The following NSD3 variants were observed in gnomAD, a reference collection of about 807,000 sequenced individuals.
NSD3 encodes histone-lysine N-methyltransferase NSD3.
NSD3 carries 24 observed loss-of-function variants against 160.8 expected under a neutral mutation model. The ratio of observed to expected loss-of-function variants is 0.15; its 90% CI spans 0.11 to 0.21. The LOEUF is 0.21. Among genes scored for constraint, NSD3 ranks in the 10% least tolerant of loss-of-function variants. The pLI, the probability that NSD3 is intolerant of heterozygous loss-of-function variation, is 1.00. For missense variants in NSD3, 1,157 were observed against 1,735.9 expected, an observed-to-expected ratio of 0.67 and a Z score of 5.93; for synonymous variants, 520 against 600.0, an observed-to-expected ratio of 0.87 and a Z score of 1.95.
At position 38,299,488 on chromosome 8, in the gene NSD3, G is replaced by A. The variant is rs1262290025; in HGVS notation, c.2714C>T (p.Pro905Leu). Residue 905 changes from proline to leucine, a missense_variant, in exon 15 of 24, where the codon CCT (proline) becomes CTT (leucine). Physicochemically the swap from Pro to Leu is moderately conservative, Grantham distance 98 (BLOSUM62 -3). Transcript: ENST00000317025. ...ESNRAELMKL[P>L]MIPSSSASKK... is the part of the protein sequence containing the mutation. ...GGAAGCTGACGAAGAAGGAATCATAGGTAATTTCATCAACTCAGCACGATT... is the reference window on the plus strand; with the variant it reads ...GGAAGCTGACGAAGAAGGAATCATAAGTAATTTCATCAACTCAGCACGATT... 6 of 1,613,488 alleles carry A rather than the reference G, an allele frequency of 3.7e-6. No individual in the cohort carries two copies. Among genetic ancestry groups the A allele is most frequent in the Non-Finnish European group, 5.1e-6 (6 of 1,179,804 alleles).
chr8:38,369,180 T>C (rs1738160500), intron 1 of NSD3, among the ~76,000 whole-genome samples: 3 of 152,120 alleles, frequency 2.0e-5, no homozygotes, highest in Admixed American at 2.0e-4. Context: ...AGGTTCAACA[T>C]GTAGTATTTT....
rs1809659855 is a variant in NSD3 at position 38,316,224 on chromosome 8, C to T, written c.1856-182G>A. On this transcript the variant is annotated intron_variant, in intron 9 of 23. Transcript: ENST00000317025. This position sits in a 1 kb window ranked among gnomAD's most constrained non-coding sequence, Gnocchi z 4.5. ...GAACTTCTGACCTTCCTGGTAGTGA[C>T]TGATTTAATTTACAACCGCTCTATC... 6.6e-6 allele frequency among the ~76,000 whole-genome samples: 1 copy of T among 152,204 alleles called. No individual in the cohort carries two copies. Among genetic ancestry groups the T allele is most frequent in the African/African-American group, 2.4e-5 (1 of 41,452 alleles).
At chr8:38,373,060 A>G (rs949603739) in intron 1 of NSD3, among the ~76,000 whole-genome samples, 1 of 151,736 alleles carries the variant, frequency 6.6e-6, no homozygotes, top group East Asian at 2.0e-4. Context: ...AAAAAAAAAA[A>G]AAAGAAAGAA....
At chr8:38,356,105 A>C (rs1810817449) in intron 1 of NSD3, among the ~76,000 whole-genome samples, 1 of 152,214 alleles carries the variant, frequency 6.6e-6, no homozygotes, top group African/African-American at 2.4e-5. Context: ...TAATTGTACT[A>C]ATCTATCCAT....
In NSD3 at chr8:38,321,007, A is replaced by T. The variant is rs190627183; in HGVS notation, c.1809+65T>A. The T allele has an allele frequency of 5.7e-4, 825 of 1,458,228 alleles. 6 individuals carry two copies. Among genetic ancestry groups the T allele is most frequent in the Non-Finnish European group, 1.7e-4 (182 of 1,045,464 alleles). The allele number at this position is 1,458,228 out of a possible 1,614,324, so 90.3% of individuals were successfully genotyped here. On this transcript the variant is annotated intron_variant, in intron 8 of 23. Coordinates refer to ENST00000317025, the MANE Select transcript of NSD3 (RefSeq NM_023034.2). This position sits in a 1 kb window ranked among gnomAD's most constrained non-coding sequence, Gnocchi z 4.7. ...GGGGAAAGTTTCTCTTTCTTTTAAG[A>T]CAGGAATGTAAGCCACAACATTTAC...
At chr8:38,370,064 G>A (rs907339194) in intron 1 of NSD3, among the ~76,000 whole-genome samples, 1 of 152,144 alleles carries the variant, frequency 6.6e-6, no homozygotes, top group Non-Finnish European at 1.5e-5. Context: ...AAAGTGCTGG[G>A]ATTACAGGTG....
chr8:38,378,413 G>A (rs976179529), intron 1 of NSD3, among the ~76,000 whole-genome samples: 1 of 152,164 alleles, frequency 6.6e-6, no homozygotes, highest in Non-Finnish European at 1.5e-5. Flanking sequence ...AGGCCGAGGC[G>A]GGTGGATCAC....
At chr8:38,278,509 T>C in intron 21 of NSD3, 97 bp from the exon 22 acceptor site, 1 of 1,079,788 alleles carries the variant, frequency 9.3e-7, no homozygotes, top group South Asian at 1.7e-5. Context: ...AGACATCATT[T>C]TGGCATGAAG....
At chr8:38,325,293 C>T (rs541849009) in intron 7 of NSD3, among the ~76,000 whole-genome samples, 2 of 152,286 alleles carry the variant, frequency 1.3e-5, no homozygotes, top group South Asian at 4.1e-4. Flanking sequence ...AACAAAGAAA[C>T]CCATATATGG....
At position 38,373,087 on chromosome 8, in the gene NSD3, G is replaced by C. The variant is rs935029755; in HGVS notation, c.-45+8712C>G. On this transcript the variant is annotated intron_variant, in intron 1 of 23. Transcript: ENST00000317025. ...AAGAAAGAAAGAAAAAAAGAAAAAA[G>C]AAAAACCAAGGACATCAATACATTT... is the stretch of plus-strand genomic sequence containing the variant. 5.3e-5 allele frequency among the ~76,000 whole-genome samples: 8 copies of C among 151,212 alleles called. 1 individual carries two copies. Among genetic ancestry groups the C allele is most frequent in the African/African-American group, 1.9e-4 (8 of 41,182 alleles).
chr8:38,300,533 T>G (rs1390492179), intron 14 of NSD3, among the ~76,000 whole-genome samples: 2 of 152,180 alleles, frequency 1.3e-5, no homozygotes, highest in Non-Finnish European at 2.9e-5. Flanking sequence ...ACATTTTCAT[T>G]TTTTCCCTGC....
intron 20 of NSD3, among the ~76,000 whole-genome samples, chr8:38,280,401 T>C (rs937307259): frequency 6.6e-6 from 1 of 152,180 alleles, no homozygotes; most frequent in African/African-American, 2.4e-5. Context: ...TTAACTGATG[T>C]TTATGAAATA....
chr8:38,304,701 T>G lies in NSD3; in HGVS notation c.2497A>C (p.Ile833Leu), dbSNP rs1809353856. ...GATACTAACATGCTTCCGGCCGCAATGCAAGCATCTCCAGAGTGATAGGCA... is the reference window on the plus strand; with the variant it reads ...GATACTAACATGCTTCCGGCCGCAAGGCAAGCATCTCCAGAGTGATAGGCA... ...PVAYHSGDAC[I>L]AAGSMLVSSY... Residue 833 changes from isoleucine to leucine, a missense_variant, in exon 14 of 24, where the codon ATT (isoleucine) becomes CTT (leucine). Ile to Leu is a conservative substitution (Grantham distance 5). Coordinates refer to ENST00000317025, the MANE Select transcript of NSD3 (RefSeq NM_023034.2). The G allele has an allele frequency of 6.2e-7, 1 of 1,614,068 alleles. No individual in the cohort carries two copies. Among genetic ancestry groups the G allele is most frequent in the South Asian group, 1.1e-5 (1 of 91,068 alleles).
Position 38,275,551 on chromosome 8 carries a change from A to T in NSD3, c.*90T>A. 7.8e-7 allele frequency: 1 copy of T among 1,275,628 alleles called. No individual in the cohort carries two copies. The highest frequency in any genetic ancestry group is 1.1e-6 in the Non-Finnish European group (1 of 933,798). 79.0% of individuals were successfully genotyped at this position (1,275,628 alleles called of 1,614,324 possible). On this transcript the variant is annotated 3_prime_UTR_variant, in exon 24 of 24. Transcript: ENST00000317025. ...TTTAATAAGGCAGTTCCGATGGCAAAGGCTGTATGCACTGTAGCAGTCTCT... is the reference window on the plus strand; with the variant it reads ...TTTAATAAGGCAGTTCCGATGGCAATGGCTGTATGCACTGTAGCAGTCTCT...
intron 1 of NSD3, among the ~76,000 whole-genome samples, chr8:38,361,917 AAG>A (rs1810977068): frequency 6.6e-6 from 1 of 152,032 alleles, no homozygotes; most frequent in Non-Finnish European, 1.5e-5. Flanking sequence ...CCTGTAGTGG[AAG>A]AGAGAGGAGC....
rs921002985 is a variant in NSD3 at position 38,288,383 on chromosome 8, C to A, written c.3501+104G>T. 6.8e-7 allele frequency: 1 copy of A among 1,466,174 alleles called. No homozygotes were observed. Among genetic ancestry groups the A allele is most frequent in the Non-Finnish European group, 9.1e-7 (1 of 1,093,186 alleles). 90.8% of individuals were successfully genotyped at this position (1,466,174 alleles called of 1,614,324 possible). ...CAACATGGAAAGTTTTAACATTTTA[C>A]CACAAATTCCTGCTGATTTTATCCC... is the stretch of plus-strand genomic sequence containing the variant. On this transcript the variant is annotated intron_variant, in intron 19 of 23. Coordinates refer to ENST00000317025, the MANE Select transcript of NSD3 (RefSeq NM_023034.2). The surrounding 1 kb of genome is among the most constrained non-coding windows in gnomAD (Gnocchi z 4.5).
rs1359658354 is a variant in NSD3, at chr8:38,276,547, A to G, written c.3868-47T>C. The G allele has an allele frequency of 3.7e-6, 6 of 1,601,500 alleles. No homozygotes were observed. In the East Asian group the frequency reaches 8.9e-5, roughly 24 times the overall value. On this transcript the variant is annotated intron_variant, in intron 22 of 23. Coordinates refer to ENST00000317025, the MANE Select transcript of NSD3 (RefSeq NM_023034.2). ...TAGTTTCAAACATCACAGACAGTGC[A>G]TGAAGCTGGACACAGGAAAACCCTG...
intron 1 of NSD3, among the ~76,000 whole-genome samples, chr8:38,353,454 T>A (rs1341594974): frequency 1.3e-5 from 2 of 152,228 alleles, no homozygotes; most frequent in Admixed American, 1.3e-4. Flanking sequence ...TGTTTTTGGT[T>A]CTTGTAACTG....
At position 38,378,106 on chromosome 8, in the gene NSD3, T is replaced by A. The variant is rs188016035; in HGVS notation, c.-45+3693A>T. 2.1e-3 allele frequency among the ~76,000 whole-genome samples: 319 copies of A among 152,202 alleles called. 1 individual carries two copies. The highest frequency in any genetic ancestry group is 3.8e-3 in the Admixed American group (58 of 15,296). ...CTTTATTTTTTTAACTTCTTAGCCT[T>A]CTGTAATATGTGAATATGTGAATAA... On this transcript the variant is annotated intron_variant, in intron 1 of 23. Coordinates refer to ENST00000317025, the MANE Select transcript of NSD3 (RefSeq NM_023034.2).
Sources: allele counts gnomAD v4.1 joint callset (sites outside exome capture counted in the v4.1 genomes callset), GRCh38; gene constraint gnomAD v4.1.1; non-coding constraint Gnocchi (gnomAD v3.1); transcripts MANE v1.5; gene names NCBI Gene and HGNC (gene_info 2026-07-23, HGNC 2026-07-21).